COQ5: variants seen among roughly 807,000 people sequenced by gnomAD.
The protein encoded by COQ5 is coenzyme Q5, methyltransferase, also known as 2-methoxy-6-polyprenyl-1,4-benzoquinol methylase, mitochondrial.
COQ5 carries 27 observed loss-of-function variants against 40.5 expected under a neutral mutation model. The observed-to-expected ratio is 0.67, with a 90% CI of 0.49 to 0.92. The LOEUF is 0.92. COQ5 is among the 40% of genes least tolerant of loss of function. COQ5 has a pLI of 0.00. For missense variants in COQ5, 409 were observed against 406.4 expected (o/e 1.01, Z -0.06); for synonymous variants, 141 against 150.0 (o/e 0.94, Z 0.44).
chr12:120,508,853 G>A (rs150890128), intron 4 of COQ5, among the ~76,000 whole-genome samples: 9 of 151,836 alleles, frequency 5.9e-5, no homozygotes, highest in Non-Finnish European at 1.0e-4. Flanking sequence ...GTGAAATGCC[G>A]TCTCTACTGA....
rs1338846523 is a variant in COQ5 at position 120,510,016 on chromosome 12, C to T, written c.681+1G>A. 2 of 1,610,256 alleles carry T rather than the reference C, an allele frequency of 1.2e-6. No individual in the cohort carries two copies. Among genetic ancestry groups the T allele is most frequent in the East Asian group, 2.2e-5 (1 of 44,868 alleles). ...CAAGCTGAGGATGCAGCCATTCATA[C>T]CTGATCAATGTGTGTGACATTCCGG... On this transcript the variant is annotated splice_donor_variant, in intron 4 of 6. Transcript: ENST00000288532. LOFTEE classifies it high-confidence loss of function.
At chr12:120,510,236 G>A in intron 3 of COQ5, 113 bp from the exon 4 acceptor site, 1 of 787,290 alleles carries the variant, frequency 1.3e-6, no homozygotes. Flanking sequence ...TGGGTGGTTA[G>A]GCTGCCTGGA....
In COQ5 at chr12:120,504,972, T is replaced by G. The variant is rs1868814973; in HGVS notation, c.693A>C (p.Glu231Asp). 6.2e-7 allele frequency: 1 copy of G among 1,613,992 alleles called. No homozygotes were observed. The highest frequency in any genetic ancestry group is 1.3e-5 in the African/African-American group (1 of 74,920). The change falls in exon 5 of 7, where the codon GAA becomes GAC. Residue 231 changes from glutamate to aspartate, a missense_variant. Glu to Asp is a conservative substitution (Grantham distance 45). Transcript: ENST00000288532. ...CTCCTGGTTTCAGCACCCGATGAGC[T>G]TCCTGGAGTGCCTGAGCAAGACAAG... Reference protein sequence around the residue: ...NVTHIDQALQEAHRVLKPGGR... With the variant: ...NVTHIDQALQDAHRVLKPGGR...
chr12:120,510,555 C>T (rs1445696577), intron 3 of COQ5, among the ~76,000 whole-genome samples: 1 of 152,160 alleles, frequency 6.6e-6, no homozygotes, highest in African/African-American at 2.4e-5. Flanking sequence ...CTCAAGCAAT[C>T]CTCCCGCCTC....
chr12:120,521,305 A>G (rs904753665), intron 2 of COQ5, among the ~76,000 whole-genome samples: 1 of 151,020 alleles, frequency 6.6e-6, no homozygotes, highest in African/African-American at 2.4e-5. Context: ...GACCTTAGGC[A>G]ATCCACCCAC....
intron 1 of COQ5, among the ~76,000 whole-genome samples, chr12:120,527,751 G>A (rs1870016416): frequency 6.6e-6 from 1 of 151,862 alleles, no homozygotes; most frequent in East Asian, 1.9e-4. Context: ...GGGAGGCCGA[G>A]GCAGGTGGAT....
chr12:120,522,070 G>T, intron 2 of COQ5, 144 bp downstream of exon 2: 1 of 750,518 alleles, frequency 1.3e-6, no homozygotes, highest in Non-Finnish European at 2.2e-6. Flanking sequence ...AAAGATAAGT[G>T]CGTGCCTTTC....
At chr12:120,508,635 T>A (rs1037469706) in intron 4 of COQ5, among the ~76,000 whole-genome samples, 3 of 152,212 alleles carry the variant, frequency 2.0e-5, no homozygotes, top group Non-Finnish European at 4.4e-5. Flanking sequence ...AGCTGGTGAC[T>A]GTCTGAAGGG....
At position 120,526,698 on chromosome 12, in the gene COQ5, A is replaced by ATTTTTTTTTTTTTTTTTTTTTTTTT. The variant is rs61584250; in HGVS notation, c.202+2217_202+2241dup. Among the ~76,000 whole-genome samples, 7 of 64,148 alleles carry ATTTTTTTTTTTTTTTTTTTTTTTTT rather than the reference A, an allele frequency of 1.1e-4. 1 individual carries two copies. The highest frequency in any genetic ancestry group is 4.9e-4 in the African/African-American group (6 of 12,190). 42.1% of individuals were successfully genotyped at this position (64,148 alleles called of 152,430 possible). On this transcript the variant is annotated intron_variant, in intron 1 of 6. Coordinates refer to ENST00000288532, the MANE Select transcript of COQ5 (RefSeq NM_032314.4). ...AATAGTGCTCAAACTACTCTTGGCA[A>ATTTTTTTTTTTTTTTTTTTTTTTTT]TTTTTTTTTTTTTTTTTTTTTTTTT...
chr12:120,510,151 CAGTGTGGGT>C, intron 3 of COQ5, 28 bp from the exon 4 acceptor site: 4 of 1,543,618 alleles, frequency 2.6e-6, no homozygotes, highest in Non-Finnish European at 3.6e-6. Flanking sequence ...TTCCGGGTCT[CAGTGTGGGT>C]AGCTGTTTTT....
At chr12:120,512,396 T>A (rs1869174240) in intron 3 of COQ5, among the ~76,000 whole-genome samples, 2 of 150,442 alleles carry the variant, frequency 1.3e-5, no homozygotes, top group African/African-American at 4.9e-5. Flanking sequence ...AGGTCAAGAG[T>A]TCGAGACCAG....
At chr12:120,510,174 G>T in intron 3 of COQ5, 51 bp from the exon 4 acceptor site, 1 of 1,395,094 alleles carries the variant, frequency 7.2e-7, no homozygotes, top group Non-Finnish European at 1.0e-6. Flanking sequence ...TGTTTTTCCT[G>T]CCCCCAGTGA....
Position 120,529,146 on chromosome 12 carries a change from G to T in COQ5, c.-5C>A. On this transcript the variant is annotated 5_prime_UTR_variant, in exon 1 of 7. Transcript: ENST00000288532. ...ACAGCTCCCGGGGGCCGCCATCTTG[G>T]TAGTCGAGTGACAACGGCCAGAGAG... is the stretch of plus-strand genomic sequence containing the variant. 2 of 1,611,456 alleles carry T rather than the reference G, an allele frequency of 1.2e-6. No homozygotes were observed. Among genetic ancestry groups the T allele is most frequent in the Non-Finnish European group, 8.5e-7 (1 of 1,178,592 alleles).
At chr12:120,528,872 T>C in intron 1 of COQ5, 68 bp downstream of exon 1, 1 of 1,401,990 alleles carries the variant, frequency 7.1e-7, no homozygotes, top group Non-Finnish European at 1.0e-6. Context: ...AAATCAACCC[T>C]AACTGGCCAG....
At chr12:120,504,262 G>A (rs4766965) in intron 5 of COQ5, among the ~76,000 whole-genome samples, 181 bp from the exon 6 acceptor site, 5,270 of 152,182 alleles carry the variant, frequency 0.035, 176 homozygotes, top group Admixed American at 0.098. Flanking sequence ...GTACAGTTAG[G>A]AAGTATTATG....
In COQ5 at chr12:120,529,073, G is replaced by A. The variant is rs1324538874; in HGVS notation, c.69C>T (p.Gly23=). 1.2e-6 allele frequency: 2 copies of A among 1,614,122 alleles called. No homozygotes were observed. Among genetic ancestry groups the A allele is most frequent in the East Asian group, 2.2e-5 (1 of 44,872 alleles). ...CGRGWSRAMR[G]CQLLGLRSSW... is the part of the protein sequence containing the mutation. ...AGCTACGAAGCCCGAGGAGCTGGCA[G>A]CCCCGCATCGCCCGCGACCACCCAC... The change falls in exon 1 of 7, where the codon GGC becomes GGT. Residue 23 remains glycine, a synonymous_variant. Coordinates refer to ENST00000288532, the MANE Select transcript of COQ5 (RefSeq NM_032314.4).
chr12:120,516,147 G>A (rs887122346), intron 3 of COQ5, among the ~76,000 whole-genome samples: 4 of 152,150 alleles, frequency 2.6e-5, no homozygotes, highest in Admixed American at 6.6e-5. Context: ...AACTATCCTA[G>A]TATGGACAGG....
intron 1 of COQ5, among the ~76,000 whole-genome samples, chr12:120,525,073 G>A (rs1038590436): frequency 6.6e-6 from 1 of 151,798 alleles, no homozygotes; most frequent in African/African-American, 2.4e-5. Context: ...TTCCCAAAGT[G>A]TTAGGATCAC....
chr12:120,505,128 A>G (rs1868822367), intron 4 of COQ5, 145 bp from the exon 5 acceptor site: 3 of 716,108 alleles, frequency 4.2e-6, no homozygotes, highest in Non-Finnish European at 7.6e-6. Context: ...GGGAAGCTGT[A>G]ACAGCAGCAA....
Sources: gnomAD v4.1 joint callset for allele counts (sites outside exome capture counted in the v4.1 genomes callset) on GRCh38, gnomAD v4.1.1 for gene constraint, MANE v1.5 for transcripts, NCBI Gene and HGNC (gene_info 2026-07-23, HGNC 2026-07-21) for gene names.